Variants in ARHGAP15 observed in about 807,000 individuals in gnomAD.
The protein encoded by ARHGAP15 is Rho GTPase activating protein 15, also known as rho GTPase-activating protein 15.
Under a neutral mutation model 63.7 loss-of-function variants are expected in ARHGAP15, and 51 were observed. The observed-to-expected ratio is 0.80, with a 90% CI of 0.64 to 1.01. The LOEUF (loss-of-function observed/expected upper bound fraction) is 1.01. Ranked by LOEUF, ARHGAP15 falls within the 50% of genes least tolerant of loss-of-function variation. The pLI is 0.00. For missense variants in ARHGAP15, 560 were observed against 564.6 expected, an observed-to-expected ratio of 0.99 and a Z score of 0.08; for synonymous variants, 191 against 193.8, an observed-to-expected ratio of 0.99 and a Z score of 0.12.
intron 8 of ARHGAP15, among the ~76,000 whole-genome samples, chr2:143,478,807 C>T (rs1043115794): frequency 6.6e-6 from 1 of 152,002 alleles, no homozygotes; most frequent in African/African-American, 2.4e-5. Flanking sequence ...AAACATTTTC[C>T]CACTTCTTAA....
intron 12 of ARHGAP15, among the ~76,000 whole-genome samples, chr2:143,692,349 G>A (rs555014596): frequency 5.6e-4 from 86 of 152,254 alleles, no homozygotes; most frequent in Non-Finnish European, 1.0e-3. Context: ...AGCTTAAAGC[G>A]TCTGCCTGCA....
chr2:143,706,469 CGTACTCTACA>C (rs1311808638), intron 13 of ARHGAP15: 6 of 152,104 alleles, frequency 3.9e-5, no homozygotes, highest in African/African-American at 1.2e-4. Context: ...ACTTGACCTA[CGTACTCTACA>C]GTCAACAGAA....
intron 11 of ARHGAP15, among the ~76,000 whole-genome samples, chr2:143,603,816 T>A (rs1396774448): frequency 1.3e-5 from 2 of 152,182 alleles, no homozygotes; most frequent in South Asian, 4.2e-4. Context: ...AAAGTAGTTA[T>A]CCATATTAGC....
At chr2:143,725,617 T>C (rs1415332769) in intron 13 of ARHGAP15, among the ~76,000 whole-genome samples, 1 of 152,222 alleles carries the variant, frequency 6.6e-6, no homozygotes, top group African/African-American at 2.4e-5. Context: ...AAATGAATAA[T>C]GCCTTAGACA....
At chr2:143,497,973 T>C (rs748383316) in intron 9 of ARHGAP15, among the ~76,000 whole-genome samples, 1 of 152,160 alleles carries the variant, frequency 6.6e-6, no homozygotes, top group Non-Finnish European at 1.5e-5. Context: ...AGGGACCCCA[T>C]TCAGCAGATG....
intron 5 of ARHGAP15, among the ~76,000 whole-genome samples, chr2:143,240,336 CTTAT>C (rs1200526031): frequency 6.6e-6 from 1 of 151,866 alleles, no homozygotes; most frequent in East Asian, 1.9e-4. Flanking sequence ...ACAAAATGAA[CTTAT>C]TTATGGAAGG....
At chr2:143,278,868 CTTT>C (rs965265275) in intron 6 of ARHGAP15, among the ~76,000 whole-genome samples, 3 of 135,322 alleles carry the variant, frequency 2.2e-5, no homozygotes, top group Non-Finnish European at 3.2e-5. Context: ...TTCTTTCTTT[CTTT>C]TTTTTTTTTT....
At chr2:143,272,660 T>TA (rs930979929) in intron 6 of ARHGAP15, among the ~76,000 whole-genome samples, 14 of 151,732 alleles carry the variant, frequency 9.2e-5, no homozygotes, top group African/African-American at 2.9e-4. Flanking sequence ...GCAAAAAAAA[T>TA]AAAAAAATTC....
intron 12 of ARHGAP15, among the ~76,000 whole-genome samples, chr2:143,679,406 A>T (rs935661064): frequency 1.3e-5 from 2 of 152,232 alleles, no homozygotes; most frequent in Admixed American, 6.5e-5. Context: ...ATTATAAAAC[A>T]GGAGTTATAA....
At chr2:143,761,654 A>G (rs1686763757) in intron 13 of ARHGAP15, among the ~76,000 whole-genome samples, 1 of 152,208 alleles carries the variant, frequency 6.6e-6, no homozygotes, top group African/African-American at 2.4e-5. Flanking sequence ...TTATGTGACT[A>G]AGAAATTTCT....
At chr2:143,244,766 G>T (rs1048493782) in intron 5 of ARHGAP15, among the ~76,000 whole-genome samples, 1 of 152,168 alleles carries the variant, frequency 6.6e-6, no homozygotes, top group African/African-American at 2.4e-5. Context: ...AAAATACAGA[G>T]AATGAATTGC....
At chr2:143,426,186 C>T (rs1395609880) in intron 6 of ARHGAP15, among the ~76,000 whole-genome samples, 9 of 152,132 alleles carry the variant, frequency 5.9e-5, no homozygotes, top group Non-Finnish European at 1.0e-4. Context: ...TTATAAATCA[C>T]ACTTCTTCTG....
chr2:143,541,326 C>G (rs1397990652), intron 10 of ARHGAP15, among the ~76,000 whole-genome samples: 2 of 151,902 alleles, frequency 1.3e-5, no homozygotes, highest in Non-Finnish European at 2.9e-5. Context: ...GTTCGAACTT[C>G]CTCCTTTAGC....
intron 10 of ARHGAP15, among the ~76,000 whole-genome samples, chr2:143,532,364 T>C (rs1025416456): frequency 1.3e-5 from 2 of 152,216 alleles, no homozygotes; most frequent in African/African-American, 4.8e-5. Flanking sequence ...TGAAAGCTTC[T>C]TGTAATGTTT....
intron 12 of ARHGAP15, among the ~76,000 whole-genome samples, chr2:143,643,427 ACCC>A (rs10540732): frequency 7.8e-6 from 1 of 128,346 alleles, no homozygotes; most frequent in Admixed American, 8.1e-5. Flanking sequence ...CCCTCCACCC[ACCC>A]CCCCCCACCA....
At chr2:143,744,472 A>ATT (rs967262575) in intron 13 of ARHGAP15, among the ~76,000 whole-genome samples, 6 of 152,282 alleles carry the variant, frequency 3.9e-5, no homozygotes, top group African/African-American at 1.4e-4. Context: ...TCAACAAGGG[A>ATT]TTTTTTTAAT....
chr2:143,619,356 C>A (rs1441560262), intron 11 of ARHGAP15, among the ~76,000 whole-genome samples: 1 of 152,112 alleles, frequency 6.6e-6, no homozygotes, highest in Admixed American at 6.5e-5. Flanking sequence ...TTGGGTACAA[C>A]ATTTAGGTTG....
chr2:143,714,088 C>T (rs968179230), intron 13 of ARHGAP15, among the ~76,000 whole-genome samples: 1 of 152,250 alleles, frequency 6.6e-6, no homozygotes, highest in East Asian at 1.9e-4. Context: ...AATGCCCTAG[C>T]AGAAGTTCTC....
intron 2 of ARHGAP15, among the ~76,000 whole-genome samples, chr2:143,173,276 T>C (rs1033714176): frequency 1.4e-4 from 22 of 152,094 alleles, no homozygotes; most frequent in Admixed American, 1.4e-3. Flanking sequence ...TATACAAATA[T>C]GCACAGTTAT....
Sources: gnomAD v4.1 joint callset for allele counts (sites outside exome capture counted in the v4.1 genomes callset) on GRCh38, gnomAD v4.1.1 for gene constraint, MANE v1.5 for transcripts, NCBI Gene and HGNC (gene_info 2026-07-23, HGNC 2026-07-21) for gene names.